The following SNX20 variants were observed in gnomAD, a reference collection of about 807,000 sequenced individuals.
SNX20 encodes sorting nexin 20, also known as sorting nexin-20.
A neutral mutation model predicts 24.5 loss-of-function variants in SNX20; 21 were observed. The observed-to-expected ratio is 0.86, with a 90% CI of 0.61 to 1.23. SNX20 has a LOEUF of 1.23. Ranked by LOEUF, SNX20 falls within the 50% of genes most tolerant of loss-of-function variation. The pLI, the probability that SNX20 is intolerant of heterozygous loss-of-function variation, is 0.00. For missense variants in SNX20, 433 were observed against 430.8 expected, an observed-to-expected ratio of 1.00 and a Z score of -0.04; for synonymous variants, 206 against 192.8, an observed-to-expected ratio of 1.07 and a Z score of -0.57.
downstream of SNX20, chr16:50,667,865 C>T (rs112743093): frequency 2.5e-5 from 19 of 754,796 alleles, no homozygotes; most frequent in African/African-American, 7.0e-5. Flanking sequence ...GATGAGGGCT[C>T]GGCGTGGGGA....
At chr16:50,667,986 A>G, downstream of SNX20, 1 of 1,550,110 alleles carries the variant, frequency 6.5e-7, no homozygotes, top group Non-Finnish European at 8.7e-7. Flanking sequence ...ACCAGCCCAG[A>G]ACGCTCGCTC....
rs1963111576 is a variant in SNX20 at position 50,673,727 on chromosome 16, G to C, written c.630C>G (p.Arg210=). 1.3e-6 allele frequency: 2 copies of C among 1,500,458 alleles called. No individual in the cohort carries two copies. The highest frequency in any genetic ancestry group is 2.5e-5 in the South Asian group (2 of 78,960). The allele number at this position is 1,500,458 out of a possible 1,614,324, so 92.9% of individuals were successfully genotyped here. A position where few individuals can be genotyped will look rare whatever the true frequency, so the allele number is the denominator to read the frequency against. ...QYPRALELLL[R]VLPLQEKLTA... is the part of the protein sequence containing the mutation. ...TGAGCTTCTCCTGCAGCGGCAGCAC[G>C]CGCAGCAGCAGCTCCAGGGCGCGCG... The change falls in exon 4 of 4, where the codon CGC becomes CGG. Residue 210 remains arginine (R), a synonymous_variant. Coordinates refer to ENST00000330943, the MANE Select transcript of SNX20 (RefSeq NM_182854.4). The surrounding 1 kb of genome is among the most constrained non-coding windows in gnomAD (Gnocchi z 4.1).
chr16:50,680,809 C>T (rs1963281173), intron 1 of SNX20, among the ~76,000 whole-genome samples: 1 of 152,196 alleles, frequency 6.6e-6, no homozygotes, highest in Non-Finnish European at 1.5e-5. Context: ...TGTCCAAGAG[C>T]AGGTTTCCTG....
chr16:50,673,598 G>T lies in SNX20; in HGVS notation c.759C>A (p.Ala253=). 1 of 1,586,156 alleles carries T rather than the reference G, an allele frequency of 6.3e-7. No individual in the cohort carries two copies. ...CCTCCCGGGCCTGCAGGCGCTGCAG[G>T]GCCCTCTCTCCGGCCGCGAAGGCCT... ...PAEAFAAGER[A]LQRLQAREGH... is the part of the protein sequence containing the mutation. The change falls in exon 4 of 4, where the codon GCC becomes GCA. Residue 253 remains alanine (A), a synonymous_variant. Coordinates refer to ENST00000330943, the MANE Select transcript of SNX20 (RefSeq NM_182854.4). This position sits in a 1 kb window ranked among gnomAD's most constrained non-coding sequence, Gnocchi z 4.1.
intron 2 of SNX20, 64 bp downstream of exon 2, chr16:50,677,333 C>G (rs954033260): frequency 6.2e-6 from 9 of 1,451,240 alleles, no homozygotes; most frequent in Admixed American, 4.8e-5. Flanking sequence ...CAAAGTGACC[C>G]ACATTTGTAC....
downstream of SNX20, chr16:50,668,373 T>A: frequency 9.5e-7 from 1 of 1,052,042 alleles, no homozygotes; most frequent in Non-Finnish European, 1.2e-6. Flanking sequence ...AACAAAAGTC[T>A]ACCAGCGGCC....
chr16:50,679,433 G>A (rs888801478), intron 1 of SNX20, among the ~76,000 whole-genome samples: 33 of 152,310 alleles, frequency 2.2e-4, no homozygotes, highest in African/African-American at 5.8e-4. Context: ...GGCCTTCTCC[G>A]TTTGGCTCTG....
intron 1 of SNX20, among the ~76,000 whole-genome samples, chr16:50,677,915 T>G (rs1963220843): frequency 1.3e-5 from 2 of 152,176 alleles, no homozygotes; most frequent in Non-Finnish European, 1.5e-5. Context: ...GAATGAAGTC[T>G]CAGTGTTCAA....
At chr16:50,676,656 G>A (rs1051160998) in intron 2 of SNX20, among the ~76,000 whole-genome samples, 1 of 152,226 alleles carries the variant, frequency 6.6e-6, no homozygotes, top group Admixed American at 6.5e-5. Flanking sequence ...TGGCATTAGA[G>A]TAAGAGCTTC....
chr16:50,671,380 TC>T (rs1963047236), downstream of SNX20: 1 of 152,128 alleles, frequency 6.6e-6, no homozygotes, highest in African/African-American at 2.4e-5. Flanking sequence ...CAGAGGAAGT[TC>T]CCTGTACTCC....
At chr16:50,674,199 G>A in intron 3 of SNX20, 125 bp from the exon 4 acceptor site, 1 of 1,151,672 alleles carries the variant, frequency 8.7e-7, no homozygotes, top group South Asian at 2.3e-5. Context: ...ATCCTTATAT[G>A]CAATTGTTTG....
At chr16:50,674,195 A>G in intron 3 of SNX20, 121 bp from the exon 4 acceptor site, 2 of 1,220,676 alleles carry the variant, frequency 1.6e-6, no homozygotes, top group Non-Finnish European at 2.2e-6. Flanking sequence ...GGCGATCCTT[A>G]TATGCAATTG....
At position 50,673,302 on chromosome 16, in the gene SNX20, T is replaced by C. The variant is rs948059001; in HGVS notation, c.*104A>G. 2 of 1,394,244 alleles carry C rather than the reference T, an allele frequency of 1.4e-6. No individual in the cohort carries two copies. Among genetic ancestry groups the C allele is most frequent in the Non-Finnish European group, 1.9e-6 (2 of 1,075,054 alleles). The allele number at this position is 1,394,244 out of a possible 1,614,324, so 86.4% of individuals were successfully genotyped here. A position where few individuals can be genotyped will look rare whatever the true frequency, so the allele number is the denominator to read the frequency against. ...GGTGACAGAGCAAGACTGTCTCAAA[T>C]AACAAAAAAGAAAAGGAAAAATAAA... On this transcript the variant is annotated 3_prime_UTR_variant, in exon 4 of 4. Transcript: ENST00000330943. The surrounding 1 kb of genome is among the most constrained non-coding windows in gnomAD (Gnocchi z 4.1).
At chr16:50,670,159 T>G (rs1408820947), downstream of SNX20, 1 of 152,196 alleles carries the variant, frequency 6.6e-6, no homozygotes, top group African/African-American at 2.4e-5. Flanking sequence ...GGCATGGTAG[T>G]CCCATCTGCA....
rs755022847 is a variant in SNX20 at position 50,673,691 on chromosome 16, G to C, written c.666C>G (p.Cys222Trp). The C allele has an allele frequency of 6.7e-7, 1 of 1,498,866 alleles. No homozygotes were observed. The highest frequency in any genetic ancestry group is 8.8e-7 in the Non-Finnish European group (1 of 1,132,520). The allele number at this position is 1,498,866 out of a possible 1,614,324, so 92.8% of individuals were successfully genotyped here. The change falls in exon 4 of 4, where the codon TGC (cysteine) becomes TGG (tryptophan). Residue 222 changes from cysteine to tryptophan, a missense_variant. Cys to Trp is a radical substitution (Grantham distance 215, BLOSUM62 -2). Coordinates refer to ENST00000330943, the MANE Select transcript of SNX20 (RefSeq NM_182854.4). The surrounding 1 kb of genome is among the most constrained non-coding windows in gnomAD (Gnocchi z 4.1). ...ACAGGGCCGGGACGGCGGCCGCAGG[G>C]CAGTGGGCGGTGAGCTTCTCCTGCA... ...LPLQEKLTAHCPAAAVPALCA... is the reference protein window; with the variant it reads ...LPLQEKLTAHWPAAAVPALCA...
chr16:50,672,300 C>CA lies in SNX20; in HGVS notation c.*1105_*1106insT, dbSNP rs1963067308. ...CCTCCCCAGGCTGTTTCTACATAAC[C>CA]CAGGGAAGCCATTCAGGGAACAGCT... On this transcript the variant is annotated 3_prime_UTR_variant, in exon 4 of 4. Coordinates refer to ENST00000330943, the MANE Select transcript of SNX20 (RefSeq NM_182854.4). 6.6e-6 allele frequency: 1 copy of CA among 152,188 alleles called. No individual in the cohort carries two copies. Among genetic ancestry groups the CA allele is most frequent in the East Asian group, 1.9e-4 (1 of 5,194 alleles). 9.4% of individuals were successfully genotyped at this position (152,188 alleles called of 1,614,324 possible).
rs889614038 is a variant in SNX20 at position 50,677,482 on chromosome 16, G to A, written c.45C>T (p.Pro15=). 1 of 1,609,030 alleles carries A rather than the reference G, an allele frequency of 6.2e-7. No individual in the cohort carries two copies. Among genetic ancestry groups the A allele is most frequent in the Non-Finnish European group, 8.5e-7 (1 of 1,177,564 alleles). ...EHPGSPGCMG[P]ITQCTARTQQ... ...GGGTCCTTGCCGTGCACTGGGTTATGGGTCCCATGCAGCCAGGGCTCCCAG... is the reference window on the plus strand; with the variant it reads ...GGGTCCTTGCCGTGCACTGGGTTATAGGTCCCATGCAGCCAGGGCTCCCAG... Residue 15 remains proline (P), a synonymous_variant, in exon 2 of 4, where the codon CCC becomes CCT. Transcript: ENST00000330943.
rs1284444662 is a variant in SNX20, at chr16:50,679,571, G to A, written c.-10+1619C>T. 5.9e-5 allele frequency among the ~76,000 whole-genome samples: 9 copies of A among 152,290 alleles called. No homozygotes were observed. In the East Asian group the frequency reaches 7.7e-4, roughly 13 times the overall value. ...TGCACGTTCTTGAGCATGCCGTCAC[G>A]GGCACCTCTCGCTTGTCTCTTGTGC... On this transcript the variant is annotated intron_variant, in intron 1 of 3. Transcript: ENST00000330943.
downstream of SNX20, chr16:50,671,132 T>G (rs1963041594): frequency 6.7e-6 from 1 of 150,216 alleles, no homozygotes; most frequent in Non-Finnish European, 1.5e-5. Flanking sequence ...GATGACTTTT[T>G]TTTTTCACAT....
Sources: allele counts gnomAD v4.1 joint callset (sites outside exome capture counted in the v4.1 genomes callset), GRCh38; gene constraint gnomAD v4.1.1; non-coding constraint Gnocchi (gnomAD v3.1); transcripts MANE v1.5; gene names NCBI Gene and HGNC (gene_info 2026-07-23, HGNC 2026-07-21).